Variants in CHN2 observed in about 807,000 individuals in gnomAD.
CHN2 encodes beta-chimaerin.
CHN2 carries 35 observed loss-of-function variants against 56.3 expected under a neutral mutation model. The observed-to-expected ratio is 0.62, with a 90% confidence interval of 0.47 to 0.82. The LOEUF (loss-of-function observed/expected upper bound fraction) is 0.82, where lower values mean the gene tolerates loss of function less well. CHN2 is among the 40% of genes least tolerant of loss of function. The probability of loss-of-function intolerance (pLI) is 0.00; values close to 1 mark genes in which losing one functional copy is unlikely to be tolerated. For missense variants in CHN2, 491 were observed against 580.5 expected (o/e 0.85, Z 1.58); for synonymous variants, 210 against 212.8 (o/e 0.99, Z 0.12).
chr7:29,322,495 C>G (rs1438309767), intron 1 of CHN2, among the ~76,000 whole-genome samples: 1 of 152,148 alleles, frequency 6.6e-6, no homozygotes, highest in Non-Finnish European at 1.5e-5. Context: ...CTTCCTACTC[C>G]TCCTCCTCCT....
chr7:29,229,240 T>C (rs952650841), intron 1 of CHN2, among the ~76,000 whole-genome samples: 3 of 152,274 alleles, frequency 2.0e-5, no homozygotes, highest in African/African-American at 7.2e-5. Context: ...CCCACACATG[T>C]CTTTACCTTA....
Position 29,430,792 on chromosome 7 carries a change from A to AG in CHN2, c.576+29964_576+29965insG, listed in dbSNP as rs1160211603. Among the ~76,000 whole-genome samples the AG allele has an allele frequency of 2.6e-4, 22 of 83,964 alleles. 1 individual carries two copies. The highest frequency in any genetic ancestry group is 7.5e-3 in the Middle Eastern group (1 of 134). The allele number at this position is 83,964 out of a possible 152,430, so 55.1% of individuals were successfully genotyped here. Reference sequence around the variant, plus strand: ...CAGAGGGTAAGAAAGATGATAGCAAAAAAAAAAAAAAAAAAAAAAGGGGAC... The same window carrying AG: ...CAGAGGGTAAGAAAGATGATAGCAAAGAAAAAAAAAAAAAAAAAAAGGGGAC... On this transcript the variant is annotated intron_variant, in intron 6 of 12. Coordinates refer to ENST00000222792, the MANE Select transcript of CHN2 (RefSeq NM_004067.4).
intron 1 of CHN2, among the ~76,000 whole-genome samples, chr7:29,308,552 C>G (rs1794344741): frequency 6.6e-6 from 1 of 152,156 alleles, no homozygotes; most frequent in South Asian, 2.1e-4. Flanking sequence ...ACCTCTCTTT[C>G]CCCCGGTGCC....
chr7:29,398,526 G>C (rs1801945316), intron 5 of CHN2, 40 bp downstream of exon 5: 3 of 1,280,402 alleles, frequency 2.3e-6, no homozygotes, highest in Non-Finnish European at 3.4e-6. Context: ...TGCTGTACAA[G>C]TGGCTTCACT....
At chr7:29,321,006 T>C (rs930647706) in intron 1 of CHN2, among the ~76,000 whole-genome samples, 2 of 152,226 alleles carry the variant, frequency 1.3e-5, no homozygotes, top group African/African-American at 4.8e-5. Flanking sequence ...TAAAGTGGCT[T>C]CTTTTAAAAC....
chr7:29,442,117 G>A (rs765950523), intron 6 of CHN2, among the ~76,000 whole-genome samples: 1 of 152,134 alleles, frequency 6.6e-6, no homozygotes, highest in Admixed American at 6.5e-5. Flanking sequence ...ATGAAATTCC[G>A]ATACGTGCTA....
chr7:29,242,759 GA>G (rs57273690), intron 1 of CHN2, among the ~76,000 whole-genome samples: 358 of 59,678 alleles, frequency 6.0e-3, no homozygotes, highest in African/African-American at 0.02. Flanking sequence ...CTTTCCTTCT[GA>G]AAAAAAAAAA....
At chr7:29,172,492 G>C (rs534907607) in intron 2 of CHN2, among the ~76,000 whole-genome samples, 1 of 152,074 alleles carries the variant, frequency 6.6e-6, no homozygotes, top group Non-Finnish European at 1.5e-5. Context: ...AAATAACCAA[G>C]CCTTCAGATT....
chr7:29,370,630 C>CT (rs1799533152), intron 3 of CHN2, among the ~76,000 whole-genome samples: 1 of 152,076 alleles, frequency 6.6e-6, no homozygotes, highest in South Asian at 2.1e-4. Flanking sequence ...ATGACTCATA[C>CT]TTTCCCGGGC....
At chr7:29,361,347 T>A (rs1798714784) in intron 2 of CHN2, among the ~76,000 whole-genome samples, 2 of 152,176 alleles carry the variant, frequency 1.3e-5, no homozygotes, top group South Asian at 4.1e-4. Flanking sequence ...CTTATTTTTA[T>A]ATGGTTGCCG....
intron 1 of CHN2, among the ~76,000 whole-genome samples, chr7:29,207,925 A>G (rs1392797178): frequency 6.6e-6 from 1 of 152,220 alleles, no homozygotes; most frequent in East Asian, 1.9e-4. Flanking sequence ...GTAAAGAAAA[A>G]ATGCATTTGA....
chr7:29,332,286 A>G (rs988798615), intron 1 of CHN2, among the ~76,000 whole-genome samples: 2 of 152,192 alleles, frequency 1.3e-5, no homozygotes, highest in African/African-American at 4.8e-5. Flanking sequence ...GATCGTGCCT[A>G]CCCTGTGGGG....
At chr7:29,501,908 T>C (rs1790009582) in intron 9 of CHN2, among the ~76,000 whole-genome samples, 1 of 152,246 alleles carries the variant, frequency 6.6e-6, no homozygotes, top group African/African-American at 2.4e-5. Flanking sequence ...TCTTACTGGC[T>C]GTAGTATGAC....
intron 1 of CHN2, among the ~76,000 whole-genome samples, chr7:29,318,774 A>C (rs1476880653): frequency 6.6e-6 from 1 of 152,244 alleles, no homozygotes; most frequent in Admixed American, 6.5e-5. Flanking sequence ...GCACAGTAAC[A>C]AATAGCTATT....
chr7:29,366,632 CCTT>C (rs1799185752), intron 2 of CHN2, among the ~76,000 whole-genome samples: 1 of 152,102 alleles, frequency 6.6e-6, no homozygotes. Flanking sequence ...TTTTTAGTGT[CCTT>C]CTGAGCTAAA....
chr7:29,211,219 T>C (rs377217623), intron 1 of CHN2, among the ~76,000 whole-genome samples: 61 of 151,472 alleles, frequency 4.0e-4, no homozygotes, highest in East Asian at 3.1e-3. Flanking sequence ...TAAAGGCGCC[T>C]GCCACCATGC....
At chr7:29,289,872 T>C (rs1277332710) in intron 1 of CHN2, among the ~76,000 whole-genome samples, 1 of 152,244 alleles carries the variant, frequency 6.6e-6, no homozygotes, top group Non-Finnish European at 1.5e-5. Flanking sequence ...GCTGTCATTC[T>C]TAGTTATCAG....
intron 6 of CHN2, among the ~76,000 whole-genome samples, chr7:29,422,017 G>A (rs1366749906): frequency 1.9e-4 from 28 of 144,694 alleles, no homozygotes; most frequent in Admixed American, 1.9e-3. Context: ...TGCCACATAG[G>A]GACATAAAAT....
At chr7:29,364,035 A>T (rs1043679295) in intron 2 of CHN2, among the ~76,000 whole-genome samples, 13 of 152,186 alleles carry the variant, frequency 8.5e-5, no homozygotes, top group Non-Finnish European at 1.6e-4. Flanking sequence ...CAAACAGACC[A>T]GGGGCTTTGG....
Sources: allele counts gnomAD v4.1 joint callset (sites outside exome capture counted in the v4.1 genomes callset), GRCh38; gene constraint gnomAD v4.1.1; transcripts MANE v1.5; gene names NCBI Gene and HGNC (gene_info 2026-07-23, HGNC 2026-07-21).